Variants in PCDH11X observed in about 807,000 individuals in gnomAD.
PCDH11X encodes the protein protocadherin 11 X-linked.
Under a neutral mutation model 53.3 loss-of-function variants are expected in PCDH11X, and 18 were observed. That is an observed-to-expected ratio of 0.34 (90% CI 0.23 to 0.50). The LOEUF is 0.50. Among genes scored for constraint, PCDH11X ranks in the 20% least tolerant of loss-of-function variants. PCDH11X has a pLI of 0.98. For missense variants in PCDH11X, 570 were observed against 1,032.4 expected, an observed-to-expected ratio of 0.55 and a Z score of 6.14; for synonymous variants, 279 against 393.3, an observed-to-expected ratio of 0.71 and a Z score of 3.44.
At chrX:92,449,865 T>A (rs1367094700) in intron 9 of PCDH11X, among the ~76,000 whole-genome samples, 5 of 110,960 alleles carry the variant, frequency 4.5e-5, no homozygotes, top group Non-Finnish European at 7.6e-5. Flanking sequence ...CAGAGAGTTG[T>A]TGAAATGATA....
At chrX:92,393,950 C>G (rs1162310287) in intron 9 of PCDH11X, among the ~76,000 whole-genome samples, 2 of 110,921 alleles carry the variant, frequency 1.8e-5, no homozygotes, top group African/African-American at 3.3e-5. Flanking sequence ...AAATCTTTCT[C>G]TATTGAAGCT....
intron 5 of PCDH11X, among the ~76,000 whole-genome samples, chrX:91,841,671 A>T (rs2147633571): frequency 9.0e-6 from 1 of 111,526 alleles, no homozygotes; most frequent in South Asian, 3.7e-4. Context: ...ATGAGGTTGT[A>T]TTACACAGAT....
intron 10 of PCDH11X, among the ~76,000 whole-genome samples, chrX:92,521,558 T>C (rs1219704241): frequency 1.8e-5 from 2 of 112,405 alleles, no homozygotes; most frequent in Non-Finnish European, 3.8e-5. Flanking sequence ...TTTTGCAGAA[T>C]GGTCAATGAG....
Position 92,568,555 on chromosome X carries a change from T to C in PCDH11X, c.3368-49709T>C, listed in dbSNP as rs1334292661. On this transcript the variant is annotated intron_variant, in intron 10 of 10. Transcript: ENST00000682573. ...TAAAAGAAATATCCATGAGGAATAA[T>C]AGAATAAACCGTAAGTCAATTCCAG... is the stretch of plus-strand genomic sequence containing the variant. 3.6e-5 allele frequency among the ~76,000 whole-genome samples: 4 copies of C among 109,890 alleles called. No homozygotes were observed. In the South Asian group the frequency reaches 1.2e-3, roughly 32 times the overall value.
chrX:91,894,618 A>G (rs1053553757), intron 6 of PCDH11X, among the ~76,000 whole-genome samples: 3 of 111,434 alleles, frequency 2.7e-5, no homozygotes, highest in South Asian at 3.8e-4. Flanking sequence ...AGTCTAACTG[A>G]AAAGGTACAA....
chrX:92,417,586 T>C (rs189973222), intron 9 of PCDH11X, among the ~76,000 whole-genome samples: 20 of 111,626 alleles, frequency 1.8e-4, no homozygotes, highest in Admixed American at 1.3e-3. Flanking sequence ...GAAGAGTGTA[T>C]TTCAATGTTC....
chrX:91,921,882 C>T (rs1422860336), intron 6 of PCDH11X, among the ~76,000 whole-genome samples: 1 of 110,689 alleles, frequency 9.0e-6, no homozygotes, highest in Non-Finnish European at 1.9e-5. Context: ...TGAAAAACTG[C>T]CAAACTGTCT....
chrX:92,563,047 G>GTTTTTTTTTTTTTTTTT (rs61411325), intron 10 of PCDH11X, among the ~76,000 whole-genome samples: 1 of 43,859 alleles, frequency 2.3e-5, no homozygotes, highest in African/African-American at 9.6e-5. Flanking sequence ...CCTTGGTACC[G>GTTTTTTTTTTTTTTTTT]TTTTTTTTTT....
rs752744438 is a variant in PCDH11X, at chrX:92,070,811, T to C, written c.3034-130564T>C. 2.7e-5 allele frequency among the ~76,000 whole-genome samples: 3 copies of C among 111,117 alleles called. 1 individual carries two copies. The South Asian group carries it at 1.1e-3, about 42-fold the overall frequency. ...AAGGCCAGTAACTCTTTTTTGTTGT[T>C]GTTTTTGAGATGGAGTCTTGCTCTG... is the stretch of plus-strand genomic sequence containing the variant. On this transcript the variant is annotated intron_variant, in intron 6 of 10. Coordinates refer to ENST00000682573, the MANE Select transcript of PCDH11X (RefSeq NM_032968.5).
chrX:91,872,593 A>G (rs941064370), intron 5 of PCDH11X, among the ~76,000 whole-genome samples: 4 of 109,252 alleles, frequency 3.7e-5, no homozygotes, highest in African/African-American at 1.3e-4. Context: ...GCGTACCTAG[A>G]GATATACACA....
At chrX:92,218,341 G>A (rs1007277518) in intron 7 of PCDH11X, among the ~76,000 whole-genome samples, 5 of 109,870 alleles carry the variant, frequency 4.6e-5, no homozygotes, top group Admixed American at 9.8e-5. Context: ...TCAAATAGAC[G>A]CAATAAAAAA....
intron 6 of PCDH11X, among the ~76,000 whole-genome samples, chrX:92,085,490 A>G (rs1192470012): frequency 9.4e-6 from 1 of 106,605 alleles, no homozygotes; most frequent in Non-Finnish European, 1.9e-5. Flanking sequence ...GCAAAAAAAA[A>G]AAAAAAAGCC....
intron 6 of PCDH11X, among the ~76,000 whole-genome samples, chrX:92,042,803 A>AT (rs1303437990): frequency 9.3e-6 from 1 of 106,986 alleles, no homozygotes; most frequent in Non-Finnish European, 1.9e-5. Flanking sequence ...CACCCAGCTA[A>AT]TTTTTTCTGT....
chrX:92,264,932 A>C (rs1830399954), intron 8 of PCDH11X, among the ~76,000 whole-genome samples: 1 of 102,876 alleles, frequency 9.7e-6, no homozygotes, highest in Non-Finnish European at 2.0e-5. Flanking sequence ...ACATAGAGAG[A>C]GACTTTGTTC....
intron 4 of PCDH11X, among the ~76,000 whole-genome samples, chrX:91,824,787 T>A (rs1936844134): frequency 9.2e-6 from 1 of 109,044 alleles, no homozygotes; most frequent in Non-Finnish European, 1.9e-5. Flanking sequence ...TGTTCTGTTT[T>A]TTCCCCATCT....
chrX:92,491,879 A>G (rs2073773748), intron 10 of PCDH11X, among the ~76,000 whole-genome samples: 1 of 111,210 alleles, frequency 9.0e-6, no homozygotes, highest in South Asian at 3.7e-4. Flanking sequence ...TGTCCTCTAG[A>G]CTCATCTCTG....
chrX:92,160,641 C>CTT (rs529782445), intron 6 of PCDH11X, among the ~76,000 whole-genome samples: 183 of 87,854 alleles, frequency 2.1e-3, no homozygotes, highest in South Asian at 4.8e-3. Context: ...ATTTTTTTTT[C>CTT]TTTTTTTTTT....
chrX:91,974,771 TG>T (rs1263575948), intron 6 of PCDH11X, among the ~76,000 whole-genome samples: 1 of 109,549 alleles, frequency 9.1e-6, no homozygotes, highest in East Asian at 2.9e-4. Context: ...TTTTTTTTTT[TG>T]AGACACTTTC....
At chrX:92,053,371 T>A (rs891286210) in intron 6 of PCDH11X, among the ~76,000 whole-genome samples, 3 of 107,140 alleles carry the variant, frequency 2.8e-5, no homozygotes, top group African/African-American at 1.0e-4. Flanking sequence ...TTAAATCTGA[T>A]TTGTAATATT....
Sources: gnomAD v4.1 joint callset for allele counts (sites outside exome capture counted in the v4.1 genomes callset) on GRCh38, gnomAD v4.1.1 for gene constraint, MANE v1.5 for transcripts, NCBI Gene and HGNC (gene_info 2026-07-23, HGNC 2026-07-21) for gene names.